The following SLC35G1 variants were observed in gnomAD, a reference collection of about 807,000 sequenced individuals.
SLC35G1 encodes the protein solute carrier family 35 member G1, also known as partner of STIM1.
Under a neutral mutation model 17.1 loss-of-function variants are expected in SLC35G1, and 10 were observed. The ratio of observed to expected loss-of-function variants is 0.59; its 90% CI spans 0.36 to 0.99. The LOEUF is 0.99. SLC35G1 is among the 50% of genes least tolerant of loss of function. SLC35G1 has a pLI of 0.01. For missense variants in SLC35G1, 433 were observed against 468.4 expected, an observed-to-expected ratio of 0.92 and a Z score of 0.70; for synonymous variants, 185 against 181.1, an observed-to-expected ratio of 1.02 and a Z score of -0.18.
downstream of SLC35G1, chr10:93,908,743 G>A (rs1321832123): frequency 6.6e-6 from 1 of 152,080 alleles, no homozygotes; most frequent in Non-Finnish European, 1.5e-5. Context: ...TGACATATAT[G>A]GACTATATAA....
Position 93,894,116 on chromosome 10 carries a change from C to G in SLC35G1, c.83C>G (p.Thr28Ser), listed in dbSNP as rs1442041651. Residue 28 changes from threonine (T) to serine (S), a missense_variant, in exon 1 of 3, where the codon ACT becomes AGT. Coordinates refer to ENST00000427197, the MANE Select transcript of SLC35G1 (RefSeq NM_001134658.3). ...ACGGACGATGCACCCCCGGGCGCCA[C>G]TGAGGAGCCGGCGGCCGCCGAGGCA... is the stretch of plus-strand genomic sequence containing the variant. The part of the protein sequence containing the change: ...PLTDDAPPGA[T>S]EEPAAAEAAG... The G allele has an allele frequency of 2.7e-6, 4 of 1,486,908 alleles. No individual in the cohort carries two copies. Among genetic ancestry groups the G allele is most frequent in the Admixed American group, 4.5e-5 (2 of 44,126 alleles). 92.1% of individuals were successfully genotyped at this position (1,486,908 alleles called of 1,614,324 possible).
intron 2 of SLC35G1, among the ~76,000 whole-genome samples, 199 bp downstream of exon 2, chr10:93,898,950 G>A (rs547083337): frequency 6.6e-6 from 1 of 152,250 alleles, no homozygotes; most frequent in Non-Finnish European, 1.5e-5. Context: ...ACCCAACAAA[G>A]TGGGGAGAAA....
intron 1 of SLC35G1, among the ~76,000 whole-genome samples, chr10:93,895,081 G>T (rs548350459): frequency 3.3e-5 from 5 of 152,302 alleles, no homozygotes; most frequent in African/African-American, 1.2e-4. Context: ...GCAGCTTCCT[G>T]CAAGAAGAAG....
chr10:93,898,450 T>C, intron 1 of SLC35G1, 121 bp from the exon 2 acceptor site: 1 of 831,528 alleles, frequency 1.2e-6, no homozygotes, highest in Non-Finnish European at 1.9e-6. Context: ...AGAAATGATA[T>C]GCTTAGGAGG....
downstream of SLC35G1, among the ~76,000 whole-genome samples, chr10:93,905,569 C>G (rs2060423505): frequency 6.6e-6 from 1 of 152,140 alleles, no homozygotes; most frequent in Non-Finnish European, 1.5e-5. Context: ...CACTTCTCAT[C>G]TCCTGGAAAT....
chr10:93,894,279 G>C lies in SLC35G1; in HGVS notation c.178+68G>C, dbSNP rs1042912289. ...TCCCGAGCGGGCGCCGGCGGGTTGG[G>C]GTCCCCGCAACCCGGGCACAGTGCC... is the stretch of plus-strand genomic sequence containing the variant. On this transcript the variant is annotated intron_variant, in intron 1 of 2. Coordinates refer to ENST00000427197, the MANE Select transcript of SLC35G1 (RefSeq NM_001134658.3). The C allele has an allele frequency of 2.3e-6, 3 of 1,291,016 alleles. No homozygotes were observed. The African/African-American group carries it at 4.7e-5, about 20-fold the overall frequency. 80.0% of individuals were successfully genotyped at this position (1,291,016 alleles called of 1,614,324 possible). A position where few individuals can be genotyped will look rare whatever the true frequency, so the allele number is the denominator to read the frequency against.
intron 1 of SLC35G1, 140 bp from the exon 2 acceptor site, chr10:93,898,431 C>A: frequency 1.4e-6 from 1 of 697,822 alleles, no homozygotes; most frequent in Non-Finnish European, 2.3e-6. Flanking sequence ...GAAAATGGTA[C>A]AGGCCCAGAG....
At position 93,903,816 on chromosome 10, in the gene SLC35G1, A is replaced by G. The variant is rs964280994; in HGVS notation, c.*2326A>G. 2.0e-5 allele frequency: 3 copies of G among 152,374 alleles called. No individual in the cohort carries two copies. Among genetic ancestry groups the G allele is most frequent in the African/African-American group, 7.2e-5 (3 of 41,592 alleles). The allele number at this position is 152,374 out of a possible 1,614,324, so 9.4% of individuals were successfully genotyped here. A position where few individuals can be genotyped will look rare whatever the true frequency, so the allele number is the denominator to read the frequency against. On this transcript the variant is annotated 3_prime_UTR_variant, in exon 3 of 3. Coordinates refer to ENST00000427197, the MANE Select transcript of SLC35G1 (RefSeq NM_001134658.3). The stretch of plus-strand genomic sequence containing the variant: ...ATAAGTACTAATAAAATAATATGAA[A>G]GAAAGCTATATGTTGGTTGTTATGA...
chr10:93,908,619 C>G (rs558908539), downstream of SLC35G1: 2 of 152,290 alleles, frequency 1.3e-5, no homozygotes, highest in East Asian at 1.9e-4. Context: ...AGTTTTATTT[C>G]TTCCGATCTA....
At chr10:93,904,927 T>C (rs2060418961), downstream of SLC35G1, among the ~76,000 whole-genome samples, 1 of 152,216 alleles carries the variant, frequency 6.6e-6, no homozygotes, top group Admixed American at 6.5e-5. Flanking sequence ...GGAACATGCC[T>C]ATCAGAATGC....
chr10:93,903,706 GTATTGTAACAAC>G lies in SLC35G1; in HGVS notation c.*2220_*2231del, dbSNP rs1316593545. 1 of 152,184 alleles carries G rather than the reference GTATTGTAACAAC, an allele frequency of 6.6e-6. No individual in the cohort carries two copies. Among genetic ancestry groups the G allele is most frequent in the Non-Finnish European group, 1.5e-5 (1 of 68,028 alleles). The allele number at this position is 152,184 out of a possible 1,614,324, so 9.4% of individuals were successfully genotyped here. ...ATGTCCAAGGTGTATACAAGGATAT[GTATTGTAACAAC>G]TATGGGTATGTATATTTTGCAGAGC... On this transcript the variant is annotated 3_prime_UTR_variant, in exon 3 of 3. Transcript: ENST00000427197.
chr10:93,904,455 T>G (rs2060416298), downstream of SLC35G1, among the ~76,000 whole-genome samples: 1 of 152,328 alleles, frequency 6.6e-6, no homozygotes. Flanking sequence ...CCAACACAAA[T>G]GGGATACTCA....
At chr10:93,895,052 A>G (rs1022031691) in intron 1 of SLC35G1, among the ~76,000 whole-genome samples, 6 of 152,182 alleles carry the variant, frequency 3.9e-5, no homozygotes, top group African/African-American at 1.4e-4. Context: ...TCCTCTTAGA[A>G]GTCGACCATC....
chr10:93,906,239 C>T (rs1053793023), downstream of SLC35G1: 2 of 152,154 alleles, frequency 1.3e-5, no homozygotes, highest in African/African-American at 4.8e-5. Flanking sequence ...TGATATTCCC[C>T]CTGGGAAATC....
Position 93,900,872 on chromosome 10 carries a change from A to G in SLC35G1, c.480A>G (p.Thr160=). ...AYQTMSLADA[T]VITFSSPVFT... ...AGACAATGTCCCTCGCTGATGCCAC[A>G]GTTATCACGTTTAGCAGTCCAGTGT... The change falls in exon 3 of 3, where the codon ACA becomes ACG. Residue 160 remains threonine (T), a synonymous_variant. Transcript: ENST00000427197. 1 of 1,614,118 alleles carries G rather than the reference A, an allele frequency of 6.2e-7. No individual in the cohort carries two copies. Among genetic ancestry groups the G allele is most frequent in the Non-Finnish European group, 8.5e-7 (1 of 1,179,984 alleles).
Position 93,901,799 on chromosome 10 carries a change from A to G in SLC35G1, c.*309A>G, listed in dbSNP as rs528042898. 17 of 226,400 alleles carry G rather than the reference A, an allele frequency of 7.5e-5. No homozygotes were observed. The highest frequency in any genetic ancestry group is 3.0e-4 in the African/African-American group (13 of 44,022). 14.0% of individuals were successfully genotyped at this position (226,400 alleles called of 1,614,324 possible). A position where few individuals can be genotyped will look rare whatever the true frequency, so the allele number is the denominator to read the frequency against. ...TTTTATGGCTAGTAATATTTATGTA[A>G]TTTTTAAAATGTATTTTTGGTACTG... On this transcript the variant is annotated 3_prime_UTR_variant, in exon 3 of 3. Coordinates refer to ENST00000427197, the MANE Select transcript of SLC35G1 (RefSeq NM_001134658.3).
intron 1 of SLC35G1, among the ~76,000 whole-genome samples, chr10:93,897,568 T>C (rs2060342763): frequency 6.6e-6 from 1 of 152,238 alleles, no homozygotes; most frequent in Non-Finnish European, 1.5e-5. Context: ...GTGTGACCTT[T>C]GTTTTAGGGC....
At chr10:93,897,892 A>C (rs1451067428) in intron 1 of SLC35G1, among the ~76,000 whole-genome samples, 1 of 152,248 alleles carries the variant, frequency 6.6e-6, no homozygotes, top group African/African-American at 2.4e-5. Context: ...GAAAGCATGA[A>C]AAGTTAAATA....
intron 2 of SLC35G1, among the ~76,000 whole-genome samples, chr10:93,899,827 A>G (rs1201548807): frequency 1.3e-5 from 2 of 152,330 alleles, no homozygotes; most frequent in Admixed American, 6.5e-5. Flanking sequence ...ATTTTGAAAT[A>G]AAGATATTGT....
Sources: allele counts gnomAD v4.1 joint callset (sites outside exome capture counted in the v4.1 genomes callset), GRCh38; gene constraint gnomAD v4.1.1; transcripts MANE v1.5; gene names NCBI Gene and HGNC (gene_info 2026-07-23, HGNC 2026-07-21).